TICAM2: variants seen among roughly 807,000 people sequenced by gnomAD.
TICAM2 encodes TIR domain containing adaptor molecule 2.
Under a neutral mutation model 7.3 loss-of-function variants are expected in TICAM2, and 8 were observed. The observed-to-expected ratio is 1.10, with a 90% confidence interval of 0.65 to 1.99. TICAM2 has a LOEUF of 1.99. Ranked by LOEUF, TICAM2 falls within the 30% of genes most tolerant of loss-of-function variation. The pLI, the probability that TICAM2 is intolerant of heterozygous loss-of-function variation, is 0.00. For missense variants in TICAM2, 304 were observed against 278.8 expected, an observed-to-expected ratio of 1.09 and a Z score of -0.65; for synonymous variants, 113 against 99.6, an observed-to-expected ratio of 1.13 and a Z score of -0.80.
rs1755501648 is a variant in TICAM2 at position 115,596,148 on chromosome 5, ACT to A, written c.-60+5947_-60+5948del. ...GTGATCACCAAGTCCTGTGTATCTA[ACT>A]CTAACAGATAATCTCAAATTGTTTC... On this transcript the variant is annotated intron_variant, in intron 1 of 1. Transcript: ENST00000427199. Among the ~76,000 whole-genome samples, 5 of 152,076 alleles carry A rather than the reference ACT, an allele frequency of 3.3e-5. No individual in the cohort carries two copies. In the South Asian group the frequency reaches 8.3e-4, roughly 25 times the overall value.
chr5:115,596,347 T>C (rs891519774), intron 1 of TICAM2, among the ~76,000 whole-genome samples: 11 of 152,208 alleles, frequency 7.2e-5, no homozygotes, highest in African/African-American at 2.4e-4. Flanking sequence ...TAACCCTGCA[T>C]TGGCTTCCTA....
rs1273513973 is a variant in TICAM2, at chr5:115,581,033, T to A, written c.224A>T (p.Glu75Val). The part of the protein sequence containing the change: ...VEEMFEEEAE[E>V]EVFLKFVILH... ...TATCACAAATTTGAGGAACACCTCT[T>A]CTTCAGCTTCTTCTTCAAACATCTC... The change falls in exon 2 of 2, where the codon GAA becomes GTA. Residue 75 changes from glutamate (E) to valine (V), a missense_variant. Coordinates refer to ENST00000427199, the MANE Select transcript of TICAM2 (RefSeq NM_021649.7). 6.2e-7 allele frequency: 1 copy of A among 1,614,116 alleles called. No individual in the cohort carries two copies. Among genetic ancestry groups the A allele is most frequent in the Non-Finnish European group, 8.5e-7 (1 of 1,180,054 alleles).
At position 115,580,282 on chromosome 5, in the gene TICAM2, T is replaced by C. The variant is rs1303478008; in HGVS notation, c.*267A>G. On this transcript the variant is annotated 3_prime_UTR_variant, in exon 2 of 2. Coordinates refer to ENST00000427199, the MANE Select transcript of TICAM2 (RefSeq NM_021649.7). ...AAGGTTCAATACAAGGAATATGGAT[T>C]GAGAATTCCTTTTTCATATCCATGA... is the stretch of plus-strand genomic sequence containing the variant. The C allele has an allele frequency of 2.8e-6, 1 of 354,242 alleles. No individual in the cohort carries two copies. The highest frequency in any genetic ancestry group is 4.9e-6 in the Non-Finnish European group (1 of 203,638). 21.9% of individuals were successfully genotyped at this position (354,242 alleles called of 1,614,324 possible). A position where few individuals can be genotyped will look rare whatever the true frequency, so the allele number is the denominator to read the frequency against.
intron 1 of TICAM2, among the ~76,000 whole-genome samples, chr5:115,585,653 CAAACACTATAAGGAAAATATAG>C (rs1444625661): frequency 6.6e-6 from 1 of 152,130 alleles, no homozygotes; most frequent in Non-Finnish European, 1.5e-5. Flanking sequence ...ATCAAGGATC[CAAACACTATAAGGAAAATATAG>C]AAACCGCAAA....
In TICAM2 at chr5:115,581,299, C is replaced by G. The variant is rs1754914473; in HGVS notation, c.-43G>C. The G allele has an allele frequency of 4.4e-6, 7 of 1,599,670 alleles. No homozygotes were observed. Among genetic ancestry groups the G allele is most frequent in the East Asian group, 2.2e-5 (1 of 44,870 alleles). On this transcript the variant is annotated 5_prime_UTR_variant, in exon 2 of 2. Transcript: ENST00000427199. ...GAAGAGGAAAACTTTATGTATTTCT[C>G]AGCATTTCTTTTCAATCTAAAAGAA...
chr5:115,579,617 T>C lies in TICAM2; in HGVS notation c.*932A>G, dbSNP rs1380250635. The C allele has an allele frequency of 2.6e-5, 4 of 152,202 alleles. No individual in the cohort carries two copies. The highest frequency in any genetic ancestry group is 5.9e-5 in the Non-Finnish European group (4 of 68,048). 9.4% of individuals were successfully genotyped at this position (152,202 alleles called of 1,614,324 possible). ...TAGGAGGTAATAAAATACATCTCCTTCTATCCAAAGTCTTTATAAATAACC... is the reference window on the plus strand; with the variant it reads ...TAGGAGGTAATAAAATACATCTCCTCCTATCCAAAGTCTTTATAAATAACC... On this transcript the variant is annotated 3_prime_UTR_variant, in exon 2 of 2. Coordinates refer to ENST00000427199, the MANE Select transcript of TICAM2 (RefSeq NM_021649.7).
intron 1 of TICAM2, among the ~76,000 whole-genome samples, chr5:115,587,887 G>C (rs1755167090): frequency 1.3e-5 from 2 of 152,060 alleles, no homozygotes; most frequent in South Asian, 4.2e-4. Context: ...AGGAGAGAGA[G>C]AGCTAAAGAC....
intron 1 of TICAM2, among the ~76,000 whole-genome samples, chr5:115,593,387 A>T (rs541555823): frequency 8.5e-6 from 1 of 118,314 alleles, no homozygotes; most frequent in South Asian, 2.6e-4. Context: ...CCAATAACAA[A>T]GATAAAAGAT....
At chr5:115,583,828 T>C (rs769430986) in intron 1 of TICAM2, among the ~76,000 whole-genome samples, 3 of 152,106 alleles carry the variant, frequency 2.0e-5, no homozygotes. Flanking sequence ...CTGGGGAAGG[T>C]TGGCCAAAGG....
intron 1 of TICAM2, chr5:115,581,818 C>A (rs1184638577): frequency 2.6e-5 from 4 of 154,382 alleles, no homozygotes; most frequent in African/African-American, 9.7e-5. Flanking sequence ...TCTCTACTGA[C>A]AGCATAAACA....
In TICAM2 at chr5:115,579,448, A is replaced by G. The variant is rs1754836872; in HGVS notation, c.*1101T>C. ...GATCCCGAAGAGGGCTTTTCTCATTACATGACATGACCCATTCTCCACCCC... is the reference window on the plus strand; with the variant it reads ...GATCCCGAAGAGGGCTTTTCTCATTGCATGACATGACCCATTCTCCACCCC... On this transcript the variant is annotated 3_prime_UTR_variant, in exon 2 of 2. Transcript: ENST00000427199. 1 of 152,232 alleles carries G rather than the reference A, an allele frequency of 6.6e-6. No individual in the cohort carries two copies. Among genetic ancestry groups the G allele is most frequent in the Non-Finnish European group, 1.5e-5 (1 of 68,044 alleles). The allele number at this position is 152,232 out of a possible 1,614,324, so 9.4% of individuals were successfully genotyped here.
At chr5:115,582,516 A>G (rs561628654) in intron 1 of TICAM2, among the ~76,000 whole-genome samples, 1 of 152,244 alleles carries the variant, frequency 6.6e-6, no homozygotes, top group African/African-American at 2.4e-5. Flanking sequence ...TTCAGAGTGG[A>G]AGAACTAGAT....
At chr5:115,589,987 T>C (rs1261035757) in intron 1 of TICAM2, among the ~76,000 whole-genome samples, 1 of 152,152 alleles carries the variant, frequency 6.6e-6, no homozygotes, top group African/African-American at 2.4e-5. Flanking sequence ...GAATAGAGAG[T>C]AACCAATCCA....
At position 115,580,904 on chromosome 5, in the gene TICAM2, C is replaced by T. The variant is rs771766293; in HGVS notation, c.353G>A (p.Gly118Asp). Residue 118 changes from glycine to aspartate, a missense_variant, in exon 2 of 2, where the codon GGC becomes GAC. By Grantham distance (94) the Gly-to-Asp change is moderately conservative. Transcript: ENST00000427199. ...PGIIFAEMPC[G>D]RQHLQNLDDA... ...ATCTAAATTCTGTAAATGCTGTCTG[C>T]CACATGGCATCTCAGCAAAGATTAT... 10 of 1,613,634 alleles carry T rather than the reference C, an allele frequency of 6.2e-6. No homozygotes were observed. The Admixed American group carries it at 1.5e-4, about 24-fold the overall frequency.
rs1755112800 is a variant in TICAM2, at chr5:115,586,533, A to G, written c.-59-5218T>C. On this transcript the variant is annotated intron_variant, in intron 1 of 1. Coordinates refer to ENST00000427199, the MANE Select transcript of TICAM2 (RefSeq NM_021649.7). Reference sequence around the variant, plus strand: ...GAAGAGAGTGGTACCCCAGCTGCTAAGGAAAGAAAACAGTTCAAGAGAAAG... The same window carrying G: ...GAAGAGAGTGGTACCCCAGCTGCTAGGGAAAGAAAACAGTTCAAGAGAAAG... 3.9e-5 allele frequency among the ~76,000 whole-genome samples: 6 copies of G among 152,280 alleles called. No homozygotes were observed. The South Asian group carries it at 1.0e-3, about 26-fold the overall frequency.
intron 1 of TICAM2, among the ~76,000 whole-genome samples, chr5:115,601,175 G>A (rs1033189479): frequency 6.6e-6 from 1 of 152,128 alleles, no homozygotes; most frequent in African/African-American, 2.4e-5. Flanking sequence ...AAGGATTGAT[G>A]GGCTGATAGG....
At chr5:115,586,723 G>A (rs1212176425) in intron 1 of TICAM2, among the ~76,000 whole-genome samples, 1 of 152,082 alleles carries the variant, frequency 6.6e-6, no homozygotes, top group East Asian at 1.9e-4. Context: ...ACCATCTTGT[G>A]GCAAATATAT....
chr5:115,598,281 C>T (rs1418084947), intron 1 of TICAM2, among the ~76,000 whole-genome samples: 1 of 152,108 alleles, frequency 6.6e-6, no homozygotes, highest in African/African-American at 2.4e-5. Context: ...CTCTACGTTC[C>T]AAATGAGTTT....
chr5:115,599,457 A>C (rs1175556728), intron 1 of TICAM2, among the ~76,000 whole-genome samples: 1 of 152,252 alleles, frequency 6.6e-6, no homozygotes, highest in Non-Finnish European at 1.5e-5. Context: ...CAAACTGTCC[A>C]TCTTATCAAA....
Sources: gnomAD v4.1 joint callset for allele counts (sites outside exome capture counted in the v4.1 genomes callset) on GRCh38, gnomAD v4.1.1 for gene constraint, MANE v1.5 for transcripts, NCBI Gene and HGNC (gene_info 2026-07-23, HGNC 2026-07-21) for gene names.